KMT2C: variants seen among roughly 807,000 people sequenced by gnomAD.
The protein encoded by KMT2C is histone-lysine N-methyltransferase 2C.
In KMT2C, 88 loss-of-function variants were observed where a neutral mutation model predicts 507.9. The ratio of observed to expected loss-of-function variants is 0.17; its 90% CI spans 0.15 to 0.21. KMT2C has a LOEUF of 0.21. Among genes scored for constraint, KMT2C ranks in the 10% least tolerant of loss-of-function variants. The pLI, the probability that KMT2C is intolerant of heterozygous loss-of-function variation, is 1.00. For missense variants in KMT2C, 4,954 were observed against 5,957.8 expected (o/e 0.83, Z 5.55); for synonymous variants, 2,049 against 2,080.8 (o/e 0.98, Z 0.42).
intron 6 of KMT2C, among the ~76,000 whole-genome samples, chr7:152,281,147 C>T (rs189512554): frequency 1.0e-3 from 152 of 151,738 alleles, no homozygotes; most frequent in African/African-American, 3.3e-3. Context: ...AATCTGACTA[C>T]ATAGAAATGT....
chr7:152,192,213 G>A (rs1432398616), intron 31 of KMT2C, among the ~76,000 whole-genome samples: 1 of 152,134 alleles, frequency 6.6e-6, no homozygotes, highest in Non-Finnish European at 1.5e-5. Flanking sequence ...TTTATATGTT[G>A]AAAAGAGAAA....
intron 13 of KMT2C, among the ~76,000 whole-genome samples, 179 bp downstream of exon 13, chr7:152,249,697 A>AC (rs1268367294): frequency 1.3e-5 from 2 of 150,014 alleles, no homozygotes; most frequent in Admixed American, 6.6e-5. Flanking sequence ...AAAAAAAAAA[A>AC]AACCTTTCAA....
intron 6 of KMT2C, among the ~76,000 whole-genome samples, chr7:152,277,683 C>G (rs1157126798): frequency 6.6e-6 from 1 of 151,820 alleles, no homozygotes; most frequent in African/African-American, 2.4e-5. Context: ...ATTCTTGGAG[C>G]CACATAAAAA....
chr7:152,393,503 T>A (rs1442959651), intron 1 of KMT2C, among the ~76,000 whole-genome samples: 3 of 152,174 alleles, frequency 2.0e-5, no homozygotes, highest in East Asian at 3.9e-4. Flanking sequence ...ACTCACAACC[T>A]GTTCCTTACA....
At position 152,190,101 on chromosome 7, in the gene KMT2C, A is replaced by G. The variant is rs559789505; in HGVS notation, c.4661-2254T>C. On this transcript the variant is annotated intron_variant, in intron 31 of 58. Transcript: ENST00000262189. ...AATGCCTCATGATCTGAGGTGGAAC[A>G]GTTTCATCGCAAAACCATTCCCCAA... Among the ~76,000 whole-genome samples the G allele has an allele frequency of 4.7e-4, 71 of 152,352 alleles. 1 individual carries two copies. The highest frequency in any genetic ancestry group is 1.7e-3 in the African/African-American group (70 of 41,578).
chr7:152,202,353 G>A (rs761300204), intron 26 of KMT2C, among the ~76,000 whole-genome samples: 2 of 152,098 alleles, frequency 1.3e-5, no homozygotes, highest in Non-Finnish European at 2.9e-5. Context: ...CTTAAACTCT[G>A]ACTTAATGTT....
At chr7:152,296,960 T>C (rs1206516578) in intron 6 of KMT2C, among the ~76,000 whole-genome samples, 1 of 115,138 alleles carries the variant, frequency 8.7e-6, no homozygotes, top group Non-Finnish European at 1.8e-5. Flanking sequence ...ACAAACATGG[T>C]GAAATCCCAT....
chr7:152,160,859 G>A (rs2129102794), intron 43 of KMT2C, among the ~76,000 whole-genome samples: 2 of 152,022 alleles, frequency 1.3e-5, no homozygotes, highest in Non-Finnish European at 2.9e-5. Flanking sequence ...AATGTTAAGT[G>A]GTACAACAGA....
chr7:152,308,774 T>C (rs1000478960), intron 6 of KMT2C, among the ~76,000 whole-genome samples: 7 of 150,868 alleles, frequency 4.6e-5, no homozygotes, highest in Non-Finnish European at 7.4e-5. Context: ...AGAGGATCCC[T>C]TGGGTCCAGG....
chr7:152,176,598 G>A lies in KMT2C; in HGVS notation c.8855C>T (p.Ser2952Leu), dbSNP rs1489425164. The A allele has an allele frequency of 5.0e-6, 8 of 1,614,172 alleles. No individual in the cohort carries two copies. Among genetic ancestry groups the A allele is most frequent in the Non-Finnish European group, 6.8e-6 (8 of 1,180,018 alleles). Residue 2952 changes from serine (S) to leucine (L), a missense_variant, in exon 38 of 59, where the codon TCA becomes TTA. Around this residue, in one of 29 missense-constraint regions of KMT2C, gnomAD observed 1,689 missense variants for 1,654.3 expected, o/e 1.02. Transcript: ENST00000262189. Reference protein sequence around the residue: ...TLPASPSNHVSSLPPFIAPPG... With the variant: ...TLPASPSNHVLSLPPFIAPPG... Reference sequence around the variant, plus strand: ...CGGTGCTATGAAAGGAGGCAAACTTGACACATGATTGGATGGGGAGGCCGG... The same window carrying A: ...CGGTGCTATGAAAGGAGGCAAACTTAACACATGATTGGATGGGGAGGCCGG...
chr7:152,261,083 C>T (rs1251537070), intron 9 of KMT2C, among the ~76,000 whole-genome samples: 1 of 152,304 alleles, frequency 6.6e-6, no homozygotes, highest in Non-Finnish European at 1.5e-5. Context: ...CAAACAGTTA[C>T]CTCTATTAAG....
chr7:152,143,537 C>T (rs2090813337), intron 55 of KMT2C, among the ~76,000 whole-genome samples: 1 of 152,254 alleles, frequency 6.6e-6, no homozygotes, highest in East Asian at 1.9e-4. Context: ...GACACTGCTG[C>T]TTCTAGTCTC....
intron 23 of KMT2C, among the ~76,000 whole-genome samples, chr7:152,211,209 A>G (rs944903720): frequency 3.5e-4 from 53 of 152,360 alleles, no homozygotes; most frequent in African/African-American, 1.3e-3. Context: ...ACTAAAAGAC[A>G]GTGGATCAAT....
rs1272915728 is a variant in KMT2C at position 152,258,517 on chromosome 7, T to C, written c.1299+4499A>G. ...AGTAAGTTTGTTGTTGTTGTTGTTGTTGCTGTTGTTGTTGTTGTTGTTTTT... is the reference window on the plus strand; with the variant it reads ...AGTAAGTTTGTTGTTGTTGTTGTTGCTGCTGTTGTTGTTGTTGTTGTTTTT... On this transcript the variant is annotated intron_variant, in intron 9 of 58. Coordinates refer to ENST00000262189, the MANE Select transcript of KMT2C (RefSeq NM_170606.3). 4.6e-5 allele frequency among the ~76,000 whole-genome samples: 7 copies of C among 152,064 alleles called. No homozygotes were observed. In the East Asian group the frequency reaches 7.7e-4, roughly 17 times the overall value.
intron 4 of KMT2C, among the ~76,000 whole-genome samples, chr7:152,312,537 G>C (rs1418240096): frequency 6.6e-6 from 1 of 152,142 alleles, no homozygotes; most frequent in Non-Finnish European, 1.5e-5. Flanking sequence ...GCATGACGTT[G>C]CAAGTACTCT....
intron 6 of KMT2C, among the ~76,000 whole-genome samples, chr7:152,285,184 C>A (rs550486936): frequency 1.8e-4 from 27 of 152,274 alleles, no homozygotes; most frequent in African/African-American, 6.3e-4. Context: ...AATCTCAAAA[C>A]CATTATGCTA....
intron 40 of KMT2C, among the ~76,000 whole-genome samples, chr7:152,170,756 C>T (rs753369956): frequency 6.6e-6 from 1 of 152,160 alleles, no homozygotes; most frequent in Non-Finnish European, 1.5e-5. Context: ...CCATCTCGGC[C>T]TCCCAAAGTG....
intron 42 of KMT2C, among the ~76,000 whole-genome samples, chr7:152,165,592 T>C (rs2092689016): frequency 6.6e-6 from 1 of 152,256 alleles, no homozygotes; most frequent in African/African-American, 2.4e-5. Flanking sequence ...ATTATTGTGG[T>C]AGCTGTGGTT....
At chr7:152,145,953 AAAC>A (rs1235679545) in intron 53 of KMT2C, among the ~76,000 whole-genome samples, 1 of 152,208 alleles carries the variant, frequency 6.6e-6, no homozygotes, top group Non-Finnish European at 1.5e-5. Flanking sequence ...ATTCCAAAGA[AAAC>A]AATTAGGCAC....
Sources: gnomAD v4.1 joint callset for allele counts (sites outside exome capture counted in the v4.1 genomes callset) on GRCh38, gnomAD v4.1.1 for gene constraint, gnomAD v4.1.1 regional missense constraint, MANE v1.5 for transcripts, NCBI Gene and HGNC (gene_info 2026-07-23, HGNC 2026-07-21) for gene names.